PALLD: variants seen among roughly 807,000 people sequenced by gnomAD.
PALLD encodes palladin.
Under a neutral mutation model 123.5 loss-of-function variants are expected in PALLD, and 61 were observed. That is an observed-to-expected ratio of 0.49 (90% CI 0.40 to 0.61). The LOEUF (loss-of-function observed/expected upper bound fraction) is 0.61. Ranked by LOEUF, PALLD falls within the 20% of genes least tolerant of loss-of-function variation. The probability of loss-of-function intolerance (pLI) is 0.00; values close to 1 mark genes in which losing one functional copy is unlikely to be tolerated. For synonymous variants in PALLD, 465 were observed against 496.4 expected (o/e 0.94, Z 0.84); for missense variants, 1,273 against 1,377.0 (o/e 0.92, Z 1.20).
intron 10 of PALLD, among the ~76,000 whole-genome samples, chr4:168,860,833 T>G (rs1749351909): frequency 6.6e-6 from 1 of 152,182 alleles, no homozygotes; most frequent in South Asian, 2.1e-4. Flanking sequence ...AAATTCAGCC[T>G]GAGGAAAATA....
At chr4:168,558,044 G>T (rs1767499799) in intron 2 of PALLD, among the ~76,000 whole-genome samples, 2 of 152,164 alleles carry the variant, frequency 1.3e-5, no homozygotes, top group Admixed American at 6.5e-5. Flanking sequence ...CCTATGCAGA[G>T]CCCTTCGTCT....
intron 21 of PALLD, 46 bp downstream of exon 21, chr4:168,925,324 T>G: frequency 1.4e-6 from 2 of 1,407,486 alleles, no homozygotes; most frequent in African/African-American, 1.4e-5. Flanking sequence ...TGCATGTTGA[T>G]TTCTCTTACA....
intron 2 of PALLD, among the ~76,000 whole-genome samples, chr4:168,558,591 G>A (rs940768073): frequency 4.6e-5 from 7 of 152,088 alleles, no homozygotes; most frequent in Admixed American, 6.5e-5. Flanking sequence ...TCCTTGATGC[G>A]CTGAAGGGCC....
rs1356860310 is a variant in PALLD, at chr4:168,878,005, C to T, written c.1965-12917C>T. 23 of 1,497,606 alleles carry T rather than the reference C, an allele frequency of 1.5e-5. No homozygotes were observed. Among genetic ancestry groups the T allele is most frequent in the Non-Finnish European group, 2.0e-5 (23 of 1,129,388 alleles). The allele number at this position is 1,497,606 out of a possible 1,614,324, so 92.8% of individuals were successfully genotyped here. A position where few individuals can be genotyped will look rare whatever the true frequency, so the allele number is the denominator to read the frequency against. On this transcript the variant is annotated intron_variant, in intron 10 of 21. Transcript: ENST00000505667. The stretch of plus-strand genomic sequence containing the variant: ...AGAACCTCGGGCCCGCGTCGGGCCA[C>T]GGCACGCCGGCCTCCAGCCCCAGCT...
At chr4:168,722,856 G>A (rs1786160124) in intron 10 of PALLD, among the ~76,000 whole-genome samples, 1 of 152,134 alleles carries the variant, frequency 6.6e-6, no homozygotes, top group South Asian at 2.1e-4. Context: ...CCGTGTGTAG[G>A]TTCAGAAAAG....
At chr4:168,718,396 T>G (rs1436228601) in intron 10 of PALLD, among the ~76,000 whole-genome samples, 1 of 152,228 alleles carries the variant, frequency 6.6e-6, no homozygotes, top group Non-Finnish European at 1.5e-5. Context: ...TGAATGTACA[T>G]AAAAGTATTT....
chr4:168,855,663 G>A (rs948868509), intron 10 of PALLD, among the ~76,000 whole-genome samples: 1 of 152,162 alleles, frequency 6.6e-6, no homozygotes, highest in Non-Finnish European at 1.5e-5. Flanking sequence ...CAGTTGTCTA[G>A]AGTTCTATAT....
chr4:168,745,426 G>C (rs867325724), intron 10 of PALLD, among the ~76,000 whole-genome samples: 15 of 125,948 alleles, frequency 1.2e-4, no homozygotes, highest in African/African-American at 3.5e-4. Context: ...TGTGAGATGG[G>C]AGGGGGGGGC....
chr4:168,689,908 A>G (rs1782460204), intron 6 of PALLD, among the ~76,000 whole-genome samples: 1 of 152,224 alleles, frequency 6.6e-6, no homozygotes. Flanking sequence ...ACTTCTTTGT[A>G]TCTATAAAAC....
chr4:168,691,386 CG>C (rs1561405349), intron 8 of PALLD, 94 bp downstream of exon 8: 2 of 1,008,278 alleles, frequency 2.0e-6, no homozygotes, highest in Non-Finnish European at 3.1e-6. Context: ...ACCTTAAAGC[CG>C]TAAGCAGAAC....
At chr4:168,508,242 G>A (rs770674084) in intron 1 of PALLD, among the ~76,000 whole-genome samples, 2 of 151,694 alleles carry the variant, frequency 1.3e-5, no homozygotes, top group South Asian at 2.1e-4. Flanking sequence ...ACATCACTAG[G>A]TACCCCATAA....
chr4:168,751,484 C>A lies in PALLD; in HGVS notation c.1964+39561C>A, dbSNP rs565481913. Among the ~76,000 whole-genome samples, 10 of 152,264 alleles carry A rather than the reference C, an allele frequency of 6.6e-5. No homozygotes were observed. The South Asian group carries it at 2.1e-3, about 32-fold the overall frequency. Reference sequence around the variant, plus strand: ...CATAGCAGCTTTGCAATCAGATAGCCCTGAGATCCATGCCTGACATCTCCA... The same window carrying A: ...CATAGCAGCTTTGCAATCAGATAGCACTGAGATCCATGCCTGACATCTCCA... On this transcript the variant is annotated intron_variant, in intron 10 of 21. Transcript: ENST00000505667.
Position 168,927,438 on chromosome 4 carries a change from GGTTT to G in PALLD, c.*1261_*1264del, listed in dbSNP as rs1762702578. The G allele has an allele frequency of 4.3e-6, 1 of 232,792 alleles. No homozygotes were observed. Among genetic ancestry groups the G allele is most frequent in the South Asian group, 1.8e-4 (1 of 5,526 alleles). The allele number at this position is 232,792 out of a possible 1,614,324, so 14.4% of individuals were successfully genotyped here. ...GCTGTGGAGATTGCAGTGTGTCTGA[GGTTT>G]GTGTAGTAGTGGAAGATTTTAGGTA... On this transcript the variant is annotated 3_prime_UTR_variant, in exon 22 of 22. Transcript: ENST00000505667.
At chr4:168,527,422 C>CAA (rs35555541) in intron 2 of PALLD, among the ~76,000 whole-genome samples, 4,667 of 52,766 alleles carry the variant, frequency 0.088, 506 homozygotes, top group East Asian at 0.15. Flanking sequence ...AACTCCATCT[C>CAA]AAAAAAAAAA....
At chr4:168,846,429 G>A (rs1365738699) in intron 10 of PALLD, among the ~76,000 whole-genome samples, 2 of 152,156 alleles carry the variant, frequency 1.3e-5, no homozygotes, top group Non-Finnish European at 2.9e-5. Flanking sequence ...TCAACAAAGA[G>A]TTCCTTTTAT....
chr4:168,847,176 CA>C (rs1746985853), intron 10 of PALLD, among the ~76,000 whole-genome samples: 4 of 152,330 alleles, frequency 2.6e-5, no homozygotes, highest in Middle Eastern at 3.4e-3. Flanking sequence ...GTCAAATTCA[CA>C]TATCCTTTGA....
intron 15 of PALLD, among the ~76,000 whole-genome samples, chr4:168,911,592 T>C (rs1346280685): frequency 1.3e-5 from 2 of 152,204 alleles, no homozygotes; most frequent in Non-Finnish European, 2.9e-5. Context: ...TAGTTCATGA[T>C]GGAGGTCTTC....
chr4:168,686,620 C>A (rs912301811), intron 6 of PALLD: 1 of 152,336 alleles, frequency 6.6e-6, no homozygotes, highest in Non-Finnish European at 1.5e-5. Context: ...AAATATGGAA[C>A]GCTTCACGAA....
At chr4:168,655,689 A>T (rs1291302332) in intron 2 of PALLD, among the ~76,000 whole-genome samples, 1 of 152,228 alleles carries the variant, frequency 6.6e-6, no homozygotes, top group Non-Finnish European at 1.5e-5. Context: ...CTCTTCTTCC[A>T]TTCAGTTTTC....
Sources: gnomAD v4.1 joint callset for allele counts (sites outside exome capture counted in the v4.1 genomes callset) on GRCh38, gnomAD v4.1.1 for gene constraint, MANE v1.5 for transcripts, NCBI Gene and HGNC (gene_info 2026-07-23, HGNC 2026-07-21) for gene names.